Variants in SEC23IP observed in about 807,000 individuals in gnomAD.
The protein encoded by SEC23IP is SEC23-interacting protein.
In SEC23IP, 70 loss-of-function variants were observed where a neutral mutation model predicts 113.4. That is an observed-to-expected ratio of 0.62 (90% confidence interval 0.51 to 0.75). The LOEUF is 0.75. Among genes scored for constraint, SEC23IP ranks in the 30% least tolerant of loss-of-function variants. The pLI is 0.00. For missense variants in SEC23IP, 1,160 were observed against 1,204.9 expected (o/e 0.96, Z 0.55); for synonymous variants, 398 against 421.0 (o/e 0.95, Z 0.67).
At chr10:119,912,674 T>C (rs1195156937) in intron 6 of SEC23IP, among the ~76,000 whole-genome samples, 2 of 149,226 alleles carry the variant, frequency 1.3e-5, no homozygotes, top group African/African-American at 2.5e-5. Context: ...AGGGTCTCAC[T>C]CTGTTGGCCA....
chr10:119,900,379 G>A lies in SEC23IP; in HGVS notation c.696+1420G>A, dbSNP rs777241766. Among the ~76,000 whole-genome samples, 8 of 151,344 alleles carry A rather than the reference G, an allele frequency of 5.3e-5. No homozygotes were observed. In the South Asian group the frequency reaches 6.3e-4, roughly 12 times the overall value. ...GGCTAGAGTGCAGTGGCATGGTAAC[G>A]GCTCACTGTAGCCTCGAATTCTCAG... On this transcript the variant is annotated intron_variant, in intron 2 of 18. Transcript: ENST00000369075.
chr10:119,911,856 A>G (rs1854874713), intron 5 of SEC23IP, among the ~76,000 whole-genome samples, 188 bp from the exon 6 acceptor site: 1 of 152,102 alleles, frequency 6.6e-6, no homozygotes, highest in Admixed American at 6.5e-5. Flanking sequence ...AAAGGTATCG[A>G]TTTGCTTAAT....
At chr10:119,900,966 C>A (rs1450857206) in intron 2 of SEC23IP, among the ~76,000 whole-genome samples, 2 of 138,414 alleles carry the variant, frequency 1.4e-5, no homozygotes, top group African/African-American at 5.5e-5. Context: ...TGTGAACATA[C>A]TTTAAATGTT....
chr10:119,909,644 C>G (rs755783994), intron 5 of SEC23IP, among the ~76,000 whole-genome samples: 1 of 152,034 alleles, frequency 6.6e-6, no homozygotes, highest in Non-Finnish European at 1.5e-5. Context: ...CACCTGTAAT[C>G]CCAGCGCTTT....
Position 119,933,128 on chromosome 10 carries a change from A to G in SEC23IP, c.2882A>G (p.Asn961Ser), listed in dbSNP as rs1307448857. 1 of 1,613,982 alleles carries G rather than the reference A, an allele frequency of 6.2e-7. No homozygotes were observed. Among genetic ancestry groups the G allele is most frequent in the Non-Finnish European group, 8.5e-7 (1 of 1,179,960 alleles). ...CAAGAAAAACCAATAGAGAGTTTTA[A>G]TGAATACCTTTTCGCTCTTCAGAGT... ...VLQEKPIESF[N>S]EYLFALQSHL... The change falls in exon 17 of 19, where the codon AAT becomes AGT. Residue 961 changes from asparagine to serine, a missense_variant. Coordinates refer to ENST00000369075, the MANE Select transcript of SEC23IP (RefSeq NM_007190.4).
chr10:119,920,525 G>C (rs1416554631), intron 11 of SEC23IP, among the ~76,000 whole-genome samples: 3 of 152,204 alleles, frequency 2.0e-5, no homozygotes. Context: ...AAACATGTAA[G>C]TGCTATGCAT....
At chr10:119,931,271 CAAAAAA>C (rs71019733) in intron 15 of SEC23IP, among the ~76,000 whole-genome samples, 2 of 93,476 alleles carry the variant, frequency 2.1e-5, no homozygotes, top group Non-Finnish European at 2.3e-5. Context: ...GACTCCGTCT[CAAAAAA>C]AAAAAAAAAA....
intron 1 of SEC23IP, among the ~76,000 whole-genome samples, chr10:119,896,534 A>G (rs1043363155): frequency 6.6e-6 from 1 of 152,220 alleles, no homozygotes; most frequent in Admixed American, 6.5e-5. Flanking sequence ...TTGGAAAACA[A>G]GTTCTGGAAC....
At chr10:119,940,395 G>A (rs1046956031) in intron 18 of SEC23IP, among the ~76,000 whole-genome samples, 191 bp from the exon 19 acceptor site, 3 of 151,586 alleles carry the variant, frequency 2.0e-5, no homozygotes, top group Admixed American at 2.0e-4. Context: ...CACCATGTTA[G>A]TCAGGATGGT....
chr10:119,939,899 G>A (rs1855910478), intron 18 of SEC23IP, among the ~76,000 whole-genome samples: 1 of 152,058 alleles, frequency 6.6e-6, no homozygotes, highest in Admixed American at 6.6e-5. Flanking sequence ...GTTCCCCCAA[G>A]TTGCCCAGGC....
intron 18 of SEC23IP, among the ~76,000 whole-genome samples, chr10:119,936,735 G>A (rs1046774146): frequency 6.6e-6 from 1 of 151,536 alleles, no homozygotes; most frequent in Non-Finnish European, 1.5e-5. Context: ...TTATAATACC[G>A]TTTTTACTTA....
At chr10:119,937,254 A>T (rs1421916508) in intron 18 of SEC23IP, among the ~76,000 whole-genome samples, 1 of 152,074 alleles carries the variant, frequency 6.6e-6, no homozygotes, top group Non-Finnish European at 1.5e-5. Context: ...ATTTTTTCCC[A>T]GTTTGAAATT....
At chr10:119,934,887 A>G (rs537230651) in intron 18 of SEC23IP, among the ~76,000 whole-genome samples, 28 of 152,188 alleles carry the variant, frequency 1.8e-4, no homozygotes, top group Non-Finnish European at 3.2e-4. Flanking sequence ...CTCTAATCTC[A>G]TCACTTTGGG....
intron 4 of SEC23IP, among the ~76,000 whole-genome samples, chr10:119,908,812 ACTTGGTTTT>A (rs1854764042): frequency 6.6e-6 from 1 of 152,094 alleles, no homozygotes; most frequent in Admixed American, 6.6e-5. Context: ...ACCATCTAAA[ACTTGGTTTT>A]CTTCATTATA....
chr10:119,915,858 T>A lies in SEC23IP; in HGVS notation c.1513T>A (p.Ser505Thr). The A allele has an allele frequency of 6.3e-7, 1 of 1,588,048 alleles. No homozygotes were observed. The highest frequency in any genetic ancestry group is 8.6e-7 in the Non-Finnish European group (1 of 1,166,032). The change falls in exon 8 of 19, where the codon TCT (serine) becomes ACT (threonine). Residue 505 changes from serine to threonine, a missense_variant. Transcript: ENST00000369075. The stretch of plus-strand genomic sequence containing the variant: ...GTTCCTTCCAGTTCATTGGCATAGT[T>A]CTTTGGGTGGGGACGCCACAGGTGT... Reference protein sequence around the residue: ...VEFLPVHWHSSLGGDATGVDR... With the variant: ...VEFLPVHWHSTLGGDATGVDR...
At position 119,898,203 on chromosome 10, in the gene SEC23IP, A is replaced by G. The variant is rs530803966; in HGVS notation, c.164-224A>G. The stretch of plus-strand genomic sequence containing the variant: ...TGGCAGGTGGGCTTATGAATGAATT[A>G]TAATTGTTTCCTCTTATGTTTTCTT... On this transcript the variant is annotated intron_variant, in intron 1 of 18. Coordinates refer to ENST00000369075, the MANE Select transcript of SEC23IP (RefSeq NM_007190.4). 3.4e-4 allele frequency: 270 copies of G among 784,716 alleles called. 5 individuals are homozygous for G. In the South Asian group the frequency reaches 8.2e-3, roughly 24 times the overall value. The allele number at this position is 784,716 out of a possible 1,614,324, so 48.6% of individuals were successfully genotyped here.
Position 119,929,784 on chromosome 10 carries a change from G to A in SEC23IP, c.2469+22G>A, listed in dbSNP as rs773126362. Reference sequence around the variant, plus strand: ...TCCGGTGAGTAATTGAATTTACTTTGTTTTTTAAAATCCTTTTTTCTTTTT... The same window carrying A: ...TCCGGTGAGTAATTGAATTTACTTTATTTTTTAAAATCCTTTTTTCTTTTT... On this transcript the variant is annotated intron_variant, in intron 14 of 18. Transcript: ENST00000369075. The A allele has an allele frequency of 3.3e-6, 5 of 1,523,818 alleles. No homozygotes were observed. In the East Asian group the frequency reaches 1.1e-4, roughly 34 times the overall value. 94.4% of individuals were successfully genotyped at this position (1,523,818 alleles called of 1,614,324 possible).
In SEC23IP at chr10:119,909,087, TAG is replaced by T; in HGVS notation, c.1151_1152del (p.Glu384ValfsTer26). 2 of 1,613,326 alleles carry T rather than the reference TAG, an allele frequency of 1.2e-6. No individual in the cohort carries two copies. Among genetic ancestry groups the T allele is most frequent in the Non-Finnish European group, 1.7e-6 (2 of 1,179,658 alleles). On this transcript the variant is annotated frameshift_variant, in exon 5 of 19. Coordinates refer to ENST00000369075, the MANE Select transcript of SEC23IP (RefSeq NM_007190.4). LOFTEE classifies it high-confidence loss of function. ...ACCACTAATCAGTGGCACCGAAGATTAGAGTTTCCAAGTGGAGAGACAATTGT... is the reference window on the plus strand; with the variant it reads ...ACCACTAATCAGTGGCACCGAAGATTAGTTTCCAAGTGGAGAGACAATTGT...
At chr10:119,895,273 A>G (rs1488603401) in intron 1 of SEC23IP, among the ~76,000 whole-genome samples, 3 of 152,018 alleles carry the variant, frequency 2.0e-5, no homozygotes, top group Non-Finnish European at 2.9e-5. Flanking sequence ...AATCCCAGCT[A>G]CTCGGGAGGC....
Sources: allele counts gnomAD v4.1 joint callset (sites outside exome capture counted in the v4.1 genomes callset), GRCh38; gene constraint gnomAD v4.1.1; transcripts MANE v1.5; gene names NCBI Gene and HGNC (gene_info 2026-07-23, HGNC 2026-07-21).